CHL1: variants seen among roughly 807,000 people sequenced by gnomAD.
CHL1 encodes neural cell adhesion molecule L1-like protein.
Under a neutral mutation model 141.9 loss-of-function variants are expected in CHL1, and 96 were observed. That is an observed-to-expected ratio of 0.68 (90% confidence interval 0.57 to 0.80). The LOEUF (loss-of-function observed/expected upper bound fraction) is 0.80. Among genes scored for constraint, CHL1 ranks in the 30% least tolerant of loss-of-function variants. The probability of loss-of-function intolerance (pLI) is 0.00; values close to 1 mark genes in which losing one functional copy is unlikely to be tolerated. For synonymous variants in CHL1, 613 were observed against 502.2 expected (o/e 1.22, Z -2.95); for missense variants, 1,820 against 1,457.2 (o/e 1.25, Z -4.05).
chr3:379,461 G>C (rs1706754134), intron 16 of CHL1, among the ~76,000 whole-genome samples: 2 of 152,120 alleles, frequency 1.3e-5, no homozygotes, highest in African/African-American at 2.4e-5. Flanking sequence ...TAATTCATCA[G>C]ATAAAGTAGT....
intron 20 of CHL1, among the ~76,000 whole-genome samples, chr3:390,008 T>C (rs1461564782): frequency 6.6e-6 from 1 of 152,222 alleles, no homozygotes; most frequent in Non-Finnish European, 1.5e-5. Flanking sequence ...GCATTCTGTA[T>C]TGCTAATACT....
At chr3:386,670 G>T (rs142363868) in intron 19 of CHL1, among the ~76,000 whole-genome samples, 18 of 152,270 alleles carry the variant, frequency 1.2e-4, no homozygotes, top group African/African-American at 4.3e-4. Flanking sequence ...CCCCACTAAT[G>T]TTGGGAAGCA....
intron 2 of CHL1, among the ~76,000 whole-genome samples, chr3:295,587 C>T (rs1436724424): frequency 6.6e-6 from 1 of 152,050 alleles, no homozygotes; most frequent in Non-Finnish European, 1.5e-5. Context: ...TCTTAGTCAT[C>T]CATCTCTGTC....
rs536753325 is a variant in CHL1 at position 298,276 on chromosome 3, G to A, written c.-94-21407G>A. On this transcript the variant is annotated intron_variant, in intron 2 of 27. Coordinates refer to ENST00000256509, the MANE Select transcript of CHL1 (RefSeq NM_006614.4). ...TAAAAAGAGACCCCATGGATCACAG[G>A]TCTGACCTAATATCTAGTTTTACTA... Among the ~76,000 whole-genome samples, 7 of 152,306 alleles carry A rather than the reference G, an allele frequency of 4.6e-5. No homozygotes were observed. In the East Asian group the frequency reaches 1.4e-3, roughly 29 times the overall value.
intron 10 of CHL1, among the ~76,000 whole-genome samples, chr3:353,890 T>C (rs1429018916): frequency 6.6e-6 from 1 of 152,170 alleles, no homozygotes; most frequent in African/African-American, 2.4e-5. Flanking sequence ...ACCCCTGACA[T>C]AGCAATATTC....
At chr3:340,751 A>C (rs1702285429) in intron 5 of CHL1, 43 bp from the exon 6 acceptor site, 1 of 1,486,086 alleles carries the variant, frequency 6.7e-7, no homozygotes, top group Non-Finnish European at 9.3e-7. Context: ...TTATAGTCAA[A>C]GTTAATTTTA....
At chr3:354,911 A>G in intron 11 of CHL1, 140 bp downstream of exon 11, 1 of 1,066,156 alleles carries the variant, frequency 9.4e-7, no homozygotes, top group Non-Finnish European at 1.3e-6. Context: ...GAGATTGTTT[A>G]TTTCTAAGCA....
chr3:337,371 A>AT (rs1163227479), intron 5 of CHL1, among the ~76,000 whole-genome samples: 2 of 3,364 alleles, frequency 5.9e-4, no homozygotes, highest in African/African-American at 2.5e-3. Context: ...TTTTATATAT[A>AT]TTTTTTAAAT....
chr3:252,517 G>C (rs528218239), intron 2 of CHL1, among the ~76,000 whole-genome samples: 1 of 150,588 alleles, frequency 6.6e-6, no homozygotes, highest in Non-Finnish European at 1.5e-5. Flanking sequence ...TATTAAATAG[G>C]TATACCAGGT....
intron 2 of CHL1, among the ~76,000 whole-genome samples, chr3:288,345 T>G (rs1232591395): frequency 1.3e-5 from 2 of 151,902 alleles, no homozygotes; most frequent in East Asian, 3.9e-4. Flanking sequence ...CGAATTTACA[T>G]ATATACAGGC....
intron 1 of CHL1, among the ~76,000 whole-genome samples, chr3:200,470 C>CGAG (rs1698818361): frequency 6.6e-6 from 1 of 152,058 alleles, no homozygotes; most frequent in Non-Finnish European, 1.5e-5. Flanking sequence ...TTTTTCAAAC[C>CGAG]AAGATTGAGA....
intron 8 of CHL1, among the ~76,000 whole-genome samples, chr3:343,481 G>A (rs1702505852): frequency 6.6e-6 from 1 of 152,050 alleles, no homozygotes; most frequent in Non-Finnish European, 1.5e-5. Context: ...GGCTTTCTGA[G>A]AAAAAAACAG....
intron 1 of CHL1, among the ~76,000 whole-genome samples, chr3:207,736 C>T (rs1252879621): frequency 6.6e-6 from 1 of 152,180 alleles, no homozygotes; most frequent in Non-Finnish European, 1.5e-5. Context: ...TTAAATTTGA[C>T]CTTGACCCCA....
At chr3:242,549 T>C (rs552115105) in intron 1 of CHL1, among the ~76,000 whole-genome samples, 10 of 152,116 alleles carry the variant, frequency 6.6e-5, no homozygotes, top group African/African-American at 2.4e-4. Context: ...TGAGCCGAGA[T>C]TGTGCCACTG....
intron 15 of CHL1, among the ~76,000 whole-genome samples, chr3:366,821 C>G (rs898351561): frequency 2.0e-5 from 3 of 152,198 alleles, no homozygotes; most frequent in African/African-American, 7.2e-5. Context: ...CCACCTCACC[C>G]CATTGGTACT....
chr3:242,388 A>C (rs978657971), intron 1 of CHL1, among the ~76,000 whole-genome samples: 23 of 142,320 alleles, frequency 1.6e-4, no homozygotes, highest in Non-Finnish European at 4.6e-5. Context: ...CGAGGTCAGG[A>C]GATCGAGACC....
At position 401,632 on chromosome 3, in the gene CHL1, A is replaced by T; in HGVS notation, c.3392A>T (p.Glu1131Val). The T allele has an allele frequency of 6.3e-7, 1 of 1,585,510 alleles. No homozygotes were observed. The highest frequency in any genetic ancestry group is 8.6e-7 in the Non-Finnish European group (1 of 1,162,814). ...RNRGGKYSVK[E>V]KEDLHPDPEI... ...CTTTTTTTCTCTTTTTTAGTTAAAG[A>T]AAAGGAAGATTTGCATCCAGACCCA... Residue 1131 changes from glutamate to valine, a missense_variant, in exon 27 of 28, where the codon GAA becomes GTA. Transcript: ENST00000256509.
At chr3:315,784 A>G (rs1387454010) in intron 2 of CHL1, among the ~76,000 whole-genome samples, 1 of 152,068 alleles carries the variant, frequency 6.6e-6, no homozygotes, top group Admixed American at 6.6e-5. Context: ...TGGGGTAAAT[A>G]CCTGGGGTTC....
At chr3:225,789 C>G (rs1232846788) in intron 1 of CHL1, among the ~76,000 whole-genome samples, 1 of 152,086 alleles carries the variant, frequency 6.6e-6, no homozygotes, top group Non-Finnish European at 1.5e-5. Context: ...GTGGGCAGAT[C>G]ACGAGGTCAG....
Sources: allele counts gnomAD v4.1 joint callset (sites outside exome capture counted in the v4.1 genomes callset), GRCh38; gene constraint gnomAD v4.1.1; transcripts MANE v1.5; gene names NCBI Gene and HGNC (gene_info 2026-07-23, HGNC 2026-07-21).